SH3RF2: variants seen among roughly 807,000 people sequenced by gnomAD.
The protein encoded by SH3RF2 is E3 ubiquitin-protein ligase SH3RF2.
SH3RF2 carries 43 observed loss-of-function variants against 59.0 expected under a neutral mutation model. That is an observed-to-expected ratio of 0.73 (90% confidence interval 0.57 to 0.94). The LOEUF (loss-of-function observed/expected upper bound fraction) is 0.94, where lower values mean the gene tolerates loss of function less well. Among genes scored for constraint, SH3RF2 ranks in the 40% least tolerant of loss-of-function variants. SH3RF2 has a pLI of 0.00. For synonymous variants in SH3RF2, 391 were observed against 391.5 expected (o/e 1.00, Z 0.01); for missense variants, 930 against 940.1 (o/e 0.99, Z 0.14).
At chr5:146,060,334 C>T (rs1388992830) in intron 9 of SH3RF2, 110 bp downstream of exon 9, 41 of 1,012,050 alleles carry the variant, frequency 4.1e-5, no homozygotes, top group South Asian at 8.6e-5. Context: ...ATTGCAGCCT[C>T]GAAAGAATCC....
At chr5:145,971,024 C>T (rs1438917184) in intron 2 of SH3RF2, among the ~76,000 whole-genome samples, 3 of 152,180 alleles carry the variant, frequency 2.0e-5, no homozygotes, top group Non-Finnish European at 4.4e-5. Context: ...CCAAAGCCTT[C>T]CAAATCTAAG....
intron 5 of SH3RF2, among the ~76,000 whole-genome samples, chr5:146,021,005 AAT>A (rs2149997752): frequency 6.6e-6 from 1 of 152,282 alleles, no homozygotes; most frequent in African/African-American, 2.4e-5. Context: ...AAATAGTCTG[AAT>A]AAAGTAGTTT....
At chr5:145,960,402 C>A (rs2149953375) in intron 2 of SH3RF2, among the ~76,000 whole-genome samples, 1 of 152,340 alleles carries the variant, frequency 6.6e-6, no homozygotes, top group Non-Finnish European at 1.5e-5. Flanking sequence ...AAAAGAAGCT[C>A]TACCGGCCTA....
At chr5:145,944,311 G>A (rs1757932212) in intron 2 of SH3RF2, among the ~76,000 whole-genome samples, 1 of 150,834 alleles carries the variant, frequency 6.6e-6, no homozygotes, top group Non-Finnish European at 1.5e-5. Flanking sequence ...TACTCAACCT[G>A]GACAACTTTA....
chr5:146,044,225 A>G (rs1029692466), intron 5 of SH3RF2, among the ~76,000 whole-genome samples: 1 of 150,698 alleles, frequency 6.6e-6, no homozygotes, highest in Admixed American at 6.6e-5. Context: ...ATCTCGGCTC[A>G]CTGTAATCTC....
chr5:146,035,031 G>A (rs538898235), intron 5 of SH3RF2, among the ~76,000 whole-genome samples: 322 of 151,998 alleles, frequency 2.1e-3, no homozygotes, highest in Non-Finnish European at 3.5e-3. Context: ...GCTTGAACCC[G>A]AGAAGTGGAG....
chr5:146,047,601 C>A (rs1762351438), intron 5 of SH3RF2, among the ~76,000 whole-genome samples, 171 bp from the exon 6 acceptor site: 1 of 152,144 alleles, frequency 6.6e-6, no homozygotes, highest in African/African-American at 2.4e-5. Flanking sequence ...CTCCTCCCCA[C>A]CTCCCTGTGC....
rs145875307 is a variant in SH3RF2 at position 146,056,179 on chromosome 5, G to A, written c.1521G>A (p.Gly507=). 3.1e-6 allele frequency: 5 copies of A among 1,614,106 alleles called. No individual in the cohort carries two copies. In the African/African-American group the frequency reaches 4.0e-5, roughly 13 times the overall value. The change falls in exon 8 of 10, where the codon GGG becomes GGA. Residue 507 remains glycine, a synonymous_variant. Coordinates refer to ENST00000359120, the MANE Select transcript of SH3RF2 (RefSeq NM_152550.4). The part of the protein sequence containing the change: ...STAGPGTLGQ[G]SLRKGRSSMR... ...CCGGCCCTGGGACTTTAGGACAAGG[G>A]TCTCTTCGGAAAGGGCGGAGCAGCA...
chr5:146,048,000 A>C, intron 6 of SH3RF2, 137 bp downstream of exon 6: 1 of 801,380 alleles, frequency 1.2e-6, no homozygotes, highest in Non-Finnish European at 2.0e-6. Context: ...TACCACTTCC[A>C]AGTGAAATAA....
intron 9 of SH3RF2, among the ~76,000 whole-genome samples, chr5:146,070,542 C>T (rs1763210783): frequency 6.6e-6 from 1 of 152,192 alleles, no homozygotes; most frequent in South Asian, 2.1e-4. Flanking sequence ...GACATCAAAA[C>T]ACAATGATCA....
chr5:146,006,155 G>A (rs965175841), intron 4 of SH3RF2, among the ~76,000 whole-genome samples: 1 of 152,114 alleles, frequency 6.6e-6, no homozygotes, highest in African/African-American at 2.4e-5. Context: ...CAAGTGTAGT[G>A]GCTCATGGCT....
intron 5 of SH3RF2, among the ~76,000 whole-genome samples, chr5:146,030,880 C>T (rs993008995): frequency 6.6e-6 from 1 of 152,180 alleles, no homozygotes; most frequent in African/African-American, 2.4e-5. Context: ...TCACTCTTTA[C>T]ATAACATCAA....
At chr5:145,965,692 AC>A (rs998874110) in intron 2 of SH3RF2, among the ~76,000 whole-genome samples, 2 of 152,200 alleles carry the variant, frequency 1.3e-5, no homozygotes, top group African/African-American at 4.8e-5. Flanking sequence ...ATTTATTAAC[AC>A]CAGCCACCAT....
At chr5:146,015,810 T>A (rs1483363588) in intron 5 of SH3RF2, among the ~76,000 whole-genome samples, 1 of 152,242 alleles carries the variant, frequency 6.6e-6, no homozygotes, top group Non-Finnish European at 1.5e-5. Flanking sequence ...ACACATCCGA[T>A]GACCAGGGAA....
intron 2 of SH3RF2, among the ~76,000 whole-genome samples, chr5:145,948,740 T>TC (rs1758085109): frequency 6.6e-6 from 1 of 152,160 alleles, no homozygotes; most frequent in Non-Finnish European, 1.5e-5. Flanking sequence ...CCTCCGGAAG[T>TC]CAGCCCTCTG....
At chr5:145,945,558 AG>A (rs1220721370) in intron 2 of SH3RF2, among the ~76,000 whole-genome samples, 3 of 152,202 alleles carry the variant, frequency 2.0e-5, no homozygotes, top group Admixed American at 2.0e-4. Flanking sequence ...ATGTTTTAAA[AG>A]TCAGGAAGTG....
intron 5 of SH3RF2, among the ~76,000 whole-genome samples, chr5:146,023,339 G>A (rs1484234419): frequency 6.6e-6 from 1 of 152,034 alleles, no homozygotes; most frequent in African/African-American, 2.4e-5. Flanking sequence ...CATCCAAGAA[G>A]GTGGGATTAA....
intron 9 of SH3RF2, among the ~76,000 whole-genome samples, chr5:146,069,748 A>AT (rs1389426195): frequency 6.6e-6 from 1 of 151,828 alleles, no homozygotes; most frequent in Non-Finnish European, 1.5e-5. Flanking sequence ...TAATTTTTGT[A>AT]TTTTTTGTAG....
At chr5:145,967,014 C>G in intron 2 of SH3RF2, among the ~76,000 whole-genome samples, 1 of 152,122 alleles carries the variant, frequency 6.6e-6, no homozygotes. Context: ...GGATGAGACT[C>G]TGTCTCAAAC....
Sources: gnomAD v4.1 joint callset for allele counts (sites outside exome capture counted in the v4.1 genomes callset) on GRCh38, gnomAD v4.1.1 for gene constraint, MANE v1.5 for transcripts, NCBI Gene and HGNC (gene_info 2026-07-23, HGNC 2026-07-21) for gene names.